The following CYP7B1 variants were observed in gnomAD, a reference collection of about 807,000 sequenced individuals.
CYP7B1 encodes the protein cytochrome P450 7B1.
In CYP7B1, 29 loss-of-function variants were observed where a neutral mutation model predicts 42.7. The observed-to-expected ratio is 0.68, with a 90% confidence interval of 0.51 to 0.93. The LOEUF is 0.93. CYP7B1 is among the 40% of genes least tolerant of loss of function. The probability of loss-of-function intolerance (pLI) is 0.00; values close to 1 mark genes in which losing one functional copy is unlikely to be tolerated. For synonymous variants in CYP7B1, 235 were observed against 218.2 expected (o/e 1.08, Z -0.68); for missense variants, 655 against 600.5 (o/e 1.09, Z -0.95).
intron 1 of CYP7B1, among the ~76,000 whole-genome samples, chr8:64,643,826 C>T (rs978202931): frequency 6.6e-6 from 1 of 152,172 alleles, no homozygotes; most frequent in African/African-American, 2.4e-5. Flanking sequence ...TCTGTTTCTC[C>T]ATAACAAGCA....
intron 1 of CYP7B1, among the ~76,000 whole-genome samples, chr8:64,690,718 A>G (rs1297482042): frequency 6.6e-6 from 1 of 152,222 alleles, no homozygotes; most frequent in Non-Finnish European, 1.5e-5. Context: ...TATATAAAAT[A>G]GATTGTGAAA....
At chr8:64,750,514 T>G (rs1807711209) in intron 1 of CYP7B1, among the ~76,000 whole-genome samples, 1 of 152,212 alleles carries the variant, frequency 6.6e-6, no homozygotes, top group East Asian at 1.9e-4. Context: ...TGGTTTATTT[T>G]TCATTTGTCT....
At chr8:64,657,502 G>A (rs977888329) in intron 1 of CYP7B1, among the ~76,000 whole-genome samples, 3 of 152,172 alleles carry the variant, frequency 2.0e-5, no homozygotes, top group Non-Finnish European at 4.4e-5. Context: ...TAACATGGCA[G>A]ACATTTGTAT....
At chr8:64,753,083 C>G (rs1247427282) in intron 1 of CYP7B1, among the ~76,000 whole-genome samples, 1 of 152,036 alleles carries the variant, frequency 6.6e-6, no homozygotes, top group Non-Finnish European at 1.5e-5. Flanking sequence ...ATGTTATTTT[C>G]CACTGAAGAT....
chr8:64,629,201 C>T (rs528133113), intron 1 of CYP7B1, among the ~76,000 whole-genome samples: 11 of 129,934 alleles, frequency 8.5e-5, no homozygotes, highest in South Asian at 5.3e-4. Flanking sequence ...CACTCCAGCT[C>T]GGGTGACAGT....
intron 1 of CYP7B1, among the ~76,000 whole-genome samples, chr8:64,756,754 A>G (rs1371997951): frequency 6.6e-6 from 1 of 152,216 alleles, no homozygotes; most frequent in African/African-American, 2.4e-5. Context: ...GAGAAAACTG[A>G]GACTCAGAGA....
At chr8:64,691,343 C>A (rs533515642) in intron 1 of CYP7B1, among the ~76,000 whole-genome samples, 2 of 152,204 alleles carry the variant, frequency 1.3e-5, no homozygotes, top group East Asian at 3.9e-4. Flanking sequence ...CAAATGGCTA[C>A]CTACCTTCTC....
chr8:64,662,753 T>C (rs891156440), intron 1 of CYP7B1, among the ~76,000 whole-genome samples: 3 of 152,130 alleles, frequency 2.0e-5, no homozygotes, highest in Non-Finnish European at 4.4e-5. Context: ...CTACAAGATA[T>C]ATGTGCTTTT....
chr8:64,739,232 C>G (rs1383790163), intron 1 of CYP7B1, among the ~76,000 whole-genome samples: 1 of 152,152 alleles, frequency 6.6e-6, no homozygotes, highest in Non-Finnish European at 1.5e-5. Flanking sequence ...CCCAGGAATA[C>G]AGGCCCCCTA....
At chr8:64,723,183 G>A (rs1178031666) in intron 1 of CYP7B1, among the ~76,000 whole-genome samples, 1 of 152,116 alleles carries the variant, frequency 6.6e-6, no homozygotes, top group Non-Finnish European at 1.5e-5. Flanking sequence ...TCTGCAGCAT[G>A]CTCCAGTGAC....
chr8:64,692,458 GCTAT>G (rs1806762013), intron 1 of CYP7B1, among the ~76,000 whole-genome samples: 3 of 152,188 alleles, frequency 2.0e-5, no homozygotes, highest in South Asian at 4.1e-4. Context: ...GCCTAGGTCA[GCTAT>G]CTATCTAAGA....
intron 1 of CYP7B1, among the ~76,000 whole-genome samples, chr8:64,712,013 T>C (rs974396085): frequency 6.6e-6 from 1 of 152,196 alleles, no homozygotes; most frequent in Non-Finnish European, 1.5e-5. Context: ...CTTTCAAGGA[T>C]TAAAAGAGAT....
chr8:64,780,950 A>G (rs1038711522), intron 1 of CYP7B1, among the ~76,000 whole-genome samples: 1 of 152,142 alleles, frequency 6.6e-6, no homozygotes, highest in Non-Finnish European at 1.5e-5. Context: ...GAGTCTCAAT[A>G]CCTTCAATGT....
At chr8:64,712,480 C>T (rs1807095229) in intron 1 of CYP7B1, among the ~76,000 whole-genome samples, 1 of 151,948 alleles carries the variant, frequency 6.6e-6, no homozygotes, top group African/African-American at 2.4e-5. Context: ...TATATCATCA[C>T]CACTTGATCT....
At chr8:64,796,675 G>A (rs1458047693) in intron 1 of CYP7B1, among the ~76,000 whole-genome samples, 2 of 152,122 alleles carry the variant, frequency 1.3e-5, no homozygotes, top group African/African-American at 2.4e-5. Flanking sequence ...TGTATCTATG[G>A]TGTATATTTA....
intron 1 of CYP7B1, among the ~76,000 whole-genome samples, chr8:64,792,348 T>C (rs1182579482): frequency 1.3e-5 from 2 of 152,154 alleles, no homozygotes; most frequent in African/African-American, 2.4e-5. Context: ...CCTATCCAGA[T>C]TGCAGAAGGC....
At chr8:64,795,969 A>T (rs959549065) in intron 1 of CYP7B1, among the ~76,000 whole-genome samples, 13 of 152,166 alleles carry the variant, frequency 8.5e-5, no homozygotes, top group Admixed American at 6.6e-5. Flanking sequence ...ATTGTTAAAA[A>T]TTTTTTTACC....
Position 64,616,218 on chromosome 8 carries a change from T to C in CYP7B1, c.323A>G (p.Gln108Arg). ...QYQLVIKNHK[Q>R]LSFRVFSNKL... ...ATTAGAAAATACTCGAAAGCTTAATTGTTTATGATTTTTTATCACTAGCTG... is the reference window on the plus strand; with the variant it reads ...ATTAGAAAATACTCGAAAGCTTAATCGTTTATGATTTTTTATCACTAGCTG... Residue 108 changes from glutamine to arginine, a missense_variant, in exon 3 of 6, where the codon CAA (glutamine) becomes CGA (arginine). Physicochemically the swap from Gln to Arg is conservative, Grantham distance 43 (BLOSUM62 1). Coordinates refer to ENST00000310193, the MANE Select transcript of CYP7B1 (RefSeq NM_004820.5). The C allele has an allele frequency of 3.1e-6, 5 of 1,610,912 alleles. No individual in the cohort carries two copies. The highest frequency in any genetic ancestry group is 4.2e-6 in the Non-Finnish European group (5 of 1,178,618).
At chr8:64,787,626 C>A (rs867576147) in intron 1 of CYP7B1, among the ~76,000 whole-genome samples, 4 of 152,182 alleles carry the variant, frequency 2.6e-5, no homozygotes, top group Non-Finnish European at 4.4e-5. Flanking sequence ...CCACATTTTC[C>A]TGTATTTTTC....
Sources: allele counts gnomAD v4.1 joint callset (sites outside exome capture counted in the v4.1 genomes callset), GRCh38; gene constraint gnomAD v4.1.1; transcripts MANE v1.5; gene names NCBI Gene and HGNC (gene_info 2026-07-23, HGNC 2026-07-21).